CEP128: variants seen among roughly 807,000 people sequenced by gnomAD.
The protein encoded by CEP128 is centrosomal protein 128.
Under a neutral mutation model 156.7 loss-of-function variants are expected in CEP128, and 132 were observed. That is an observed-to-expected ratio of 0.84 (90% confidence interval 0.73 to 0.97). The LOEUF (loss-of-function observed/expected upper bound fraction) is 0.97, where lower values mean the gene tolerates loss of function less well. CEP128 is among the 50% of genes least tolerant of loss of function. The pLI, the probability that CEP128 is intolerant of heterozygous loss-of-function variation, is 0.00. For synonymous variants in CEP128, 469 were observed against 448.9 expected, an observed-to-expected ratio of 1.04 and a Z score of -0.57; for missense variants, 1,252 against 1,281.9, an observed-to-expected ratio of 0.98 and a Z score of 0.36.
chr14:80,608,829 C>G (rs1031051104), intron 19 of CEP128, among the ~76,000 whole-genome samples: 13 of 152,192 alleles, frequency 8.5e-5, no homozygotes, highest in Non-Finnish European at 1.5e-4. Context: ...TGCTTTAACA[C>G]AGCACTGTCA....
At chr14:80,557,802 C>A (rs920635952) in intron 21 of CEP128, among the ~76,000 whole-genome samples, 5 of 151,986 alleles carry the variant, frequency 3.3e-5, no homozygotes, top group Non-Finnish European at 7.4e-5. Context: ...TTTTTATTAA[C>A]CTTATTATCT....
At chr14:80,739,072 A>G (rs1898676861) in intron 19 of CEP128, among the ~76,000 whole-genome samples, 1 of 152,324 alleles carries the variant, frequency 6.6e-6, no homozygotes, top group Admixed American at 6.5e-5. Context: ...AAAGTTTTAC[A>G]TTGCAAATCC....
intron 19 of CEP128, among the ~76,000 whole-genome samples, chr14:80,642,760 CTT>C (rs879745503): frequency 6.9e-5 from 10 of 145,242 alleles, no homozygotes; most frequent in Non-Finnish European, 1.1e-4. Context: ...ACTTGACCCC[CTT>C]TTTTTTTTTT....
At chr14:80,552,061 GGA>G (rs1390427642) in intron 21 of CEP128, among the ~76,000 whole-genome samples, 1 of 152,028 alleles carries the variant, frequency 6.6e-6, no homozygotes, top group African/African-American at 2.4e-5. Context: ...AAATAAAGTG[GGA>G]GAGAGTCAAT....
chr14:80,581,630 C>G (rs1868629), intron 19 of CEP128, among the ~76,000 whole-genome samples: 62,328 of 151,938 alleles, frequency 0.41, 12,946 homozygotes, highest in East Asian at 0.52. Context: ...TGTTTCTATT[C>G]TGTATGCTAT....
intron 21 of CEP128, among the ~76,000 whole-genome samples, chr14:80,549,981 T>A (rs536487961): frequency 2.6e-5 from 4 of 152,342 alleles, no homozygotes; most frequent in African/African-American, 9.6e-5. Flanking sequence ...CTTCTCACAA[T>A]CTTGGACACC....
At chr14:80,629,617 T>A (rs1049674741) in intron 19 of CEP128, among the ~76,000 whole-genome samples, 1 of 127,472 alleles carries the variant, frequency 7.8e-6, no homozygotes, top group Admixed American at 7.4e-5. Context: ...TTTCACAAAG[T>A]AAAGCCTTTT....
At chr14:80,631,726 C>T (rs183579174) in intron 19 of CEP128, among the ~76,000 whole-genome samples, 1 of 152,158 alleles carries the variant, frequency 6.6e-6, no homozygotes, top group African/African-American at 2.4e-5. Flanking sequence ...ATTTCATAAA[C>T]ATTCTCATCA....
intron 19 of CEP128, among the ~76,000 whole-genome samples, chr14:80,626,247 G>A (rs1371403096): frequency 6.6e-6 from 1 of 151,762 alleles, no homozygotes; most frequent in Admixed American, 6.6e-5. Context: ...GGTGGATCAT[G>A]AGGTCAGGAG....
At chr14:80,836,527 G>C (rs1886086450) in intron 11 of CEP128, among the ~76,000 whole-genome samples, 190 bp from the exon 12 acceptor site, 1 of 151,606 alleles carries the variant, frequency 6.6e-6, no homozygotes, top group African/African-American at 2.4e-5. Flanking sequence ...TTCCTTCTCT[G>C]TGTCCACTGA....
intron 13 of CEP128, among the ~76,000 whole-genome samples, chr14:80,810,479 AAAAATG>A (rs1884467360): frequency 6.6e-6 from 1 of 152,114 alleles, no homozygotes; most frequent in African/African-American, 2.4e-5. Context: ...ATGGATTTTT[AAAAATG>A]TGACCTAACT....
At chr14:80,690,803 T>C (rs1160991087) in intron 19 of CEP128, among the ~76,000 whole-genome samples, 1 of 152,184 alleles carries the variant, frequency 6.6e-6, no homozygotes, top group Non-Finnish European at 1.5e-5. Flanking sequence ...AATCATTTCA[T>C]TATATATGAA....
chr14:80,803,686 T>A (rs574230630), intron 13 of CEP128, among the ~76,000 whole-genome samples: 5 of 152,296 alleles, frequency 3.3e-5, no homozygotes, highest in Admixed American at 6.5e-5. Context: ...TATTCACAAG[T>A]AAAGCTTTTT....
At chr14:80,518,018 T>C (rs990359236) in intron 23 of CEP128, among the ~76,000 whole-genome samples, 1 of 151,762 alleles carries the variant, frequency 6.6e-6, no homozygotes, top group African/African-American at 2.4e-5. Flanking sequence ...AAGCTCAGCT[T>C]GAGCCGTAAC....
intron 18 of CEP128, among the ~76,000 whole-genome samples, chr14:80,756,369 C>A (rs544145026): frequency 1.3e-5 from 2 of 152,260 alleles, no homozygotes; most frequent in East Asian, 3.9e-4. Flanking sequence ...TAAACTTTAT[C>A]TTTCCATCAC....
intron 13 of CEP128, among the ~76,000 whole-genome samples, chr14:80,801,836 A>G (rs71416848): frequency 2.1e-3 from 276 of 128,874 alleles, no homozygotes; most frequent in Non-Finnish European, 3.7e-3. Context: ...TGAACCCAGG[A>G]GGCGGAGGTT....
chr14:80,712,734 A>G (rs1897459198), intron 19 of CEP128, among the ~76,000 whole-genome samples: 1 of 152,210 alleles, frequency 6.6e-6, no homozygotes, highest in Admixed American at 6.5e-5. Context: ...TGGAGATGAC[A>G]GTAGTCATCT....
intron 16 of CEP128, among the ~76,000 whole-genome samples, chr14:80,776,831 G>A (rs1189600540): frequency 6.6e-6 from 1 of 152,056 alleles, no homozygotes; most frequent in African/African-American, 2.4e-5. Context: ...TAGGAAGTGG[G>A]TGAAAGAGAA....
intron 2 of CEP128, among the ~76,000 whole-genome samples, chr14:80,930,434 C>A (rs189522488): frequency 1.5e-4 from 23 of 152,126 alleles, no homozygotes; most frequent in African/African-American, 5.5e-4. Context: ...TACCCCTAGC[C>A]AAAATGAGTA....
Sources: gnomAD v4.1 joint callset for allele counts (sites outside exome capture counted in the v4.1 genomes callset) on GRCh38, gnomAD v4.1.1 for gene constraint, MANE v1.5 for transcripts, NCBI Gene and HGNC (gene_info 2026-07-23, HGNC 2026-07-21) for gene names.